GNAQ: variants seen among roughly 807,000 people sequenced by gnomAD.
GNAQ encodes G protein subunit alpha q.
A neutral mutation model predicts 43.9 loss-of-function variants in GNAQ; 8 were observed. The observed-to-expected ratio is 0.18, with a 90% confidence interval of 0.11 to 0.33. GNAQ has a LOEUF of 0.33. Ranked by LOEUF, GNAQ falls within the 10% of genes least tolerant of loss-of-function variation. The pLI is 1.00. For missense variants in GNAQ, 158 were observed against 450.8 expected (o/e 0.35, Z 5.88); for synonymous variants, 155 against 170.7 (o/e 0.91, Z 0.71).
rs36194112 is a variant in GNAQ at position 77,722,653 on chromosome 9, CTTTT to C, written c.890-1144_890-1141del. Among the ~76,000 whole-genome samples the C allele has an allele frequency of 2.1e-3, 240 of 115,756 alleles. 1 individual carries two copies. The highest frequency in any genetic ancestry group is 8.6e-3 in the Middle Eastern group (2 of 232). The allele number at this position is 115,756 out of a possible 152,430, so 75.9% of individuals were successfully genotyped here. ...ATTAAAAACTTTATGTATCTAAGGACTTTTTTTTTTTTTTTTTTTTTGAGACAGG... is the reference window on the plus strand; with the variant it reads ...ATTAAAAACTTTATGTATCTAAGGACTTTTTTTTTTTTTTTTTGAGACAGG... On this transcript the variant is annotated intron_variant, in intron 6 of 6. Transcript: ENST00000286548.
chr9:77,886,464 G>C (rs943687134), intron 2 of GNAQ, among the ~76,000 whole-genome samples: 2 of 150,074 alleles, frequency 1.3e-5, no homozygotes, highest in African/African-American at 2.5e-5. Context: ...GGAGCATTAT[G>C]AATTGCTACA....
chr9:77,873,889 T>C (rs976663323), intron 2 of GNAQ, among the ~76,000 whole-genome samples: 4 of 152,140 alleles, frequency 2.6e-5, no homozygotes, highest in African/African-American at 7.2e-5. Context: ...AGGAATCACC[T>C]GAGGTTGGGA....
intron 5 of GNAQ, among the ~76,000 whole-genome samples, chr9:77,779,531 A>G (rs1826355407): frequency 2.0e-5 from 3 of 151,830 alleles, no homozygotes. Flanking sequence ...AATCCGAAGT[A>G]TGCAGAAGAA....
At chr9:77,790,607 AGAG>A (rs1209332216) in intron 5 of GNAQ, among the ~76,000 whole-genome samples, 1 of 152,246 alleles carries the variant, frequency 6.6e-6, no homozygotes, top group Non-Finnish European at 1.5e-5. Context: ...GCTTAGAGGT[AGAG>A]GAGAGTTATT....
chr9:77,886,594 A>C (rs1341960874), intron 2 of GNAQ, among the ~76,000 whole-genome samples: 4 of 152,182 alleles, frequency 2.6e-5, no homozygotes, highest in Non-Finnish European at 4.4e-5. Flanking sequence ...TAGTAGGACA[A>C]ATTTCTATCA....
At chr9:77,981,604 T>A (rs1023126423) in intron 1 of GNAQ, among the ~76,000 whole-genome samples, 1 of 152,212 alleles carries the variant, frequency 6.6e-6, no homozygotes, top group South Asian at 2.1e-4. Flanking sequence ...CTATTTTGCA[T>A]GCAACCAAAA....
At chr9:78,030,390 T>G in intron 1 of GNAQ, 3 of 399,690 alleles carry the variant, frequency 7.5e-6, no homozygotes, top group South Asian at 1.9e-5. Context: ...TCTTCTAGGC[T>G]CCCTCCTTTC....
At chr9:78,030,318 C>T (rs1047882928) in intron 1 of GNAQ, among the ~76,000 whole-genome samples, 1 of 152,154 alleles carries the variant, frequency 6.6e-6, no homozygotes, top group Admixed American at 6.6e-5. Context: ...CCCCTACCCT[C>T]ATCTTTATCT....
chr9:77,843,515 G>A (rs929032259), intron 2 of GNAQ, among the ~76,000 whole-genome samples: 1 of 152,180 alleles, frequency 6.6e-6, no homozygotes, highest in African/African-American at 2.4e-5. Context: ...CATGCCAGGT[G>A]TCAGTCTTCC....
Position 77,883,229 on chromosome 9 carries a change from C to G in GNAQ, c.321+38932G>C, listed in dbSNP as rs1423739429. On this transcript the variant is annotated intron_variant, in intron 2 of 6. Coordinates refer to ENST00000286548, the MANE Select transcript of GNAQ (RefSeq NM_002072.5). ...AAATAAGTCTTTACCCTGACTCTCTCCAGTGTGTCCCCAGCTAGCCTAGCC... is the reference window on the plus strand; with the variant it reads ...AAATAAGTCTTTACCCTGACTCTCTGCAGTGTGTCCCCAGCTAGCCTAGCC... 3.3e-5 allele frequency among the ~76,000 whole-genome samples: 5 copies of G among 152,284 alleles called. No individual in the cohort carries two copies. The East Asian group carries it at 9.7e-4, about 29-fold the overall frequency.
intron 3 of GNAQ, among the ~76,000 whole-genome samples, chr9:77,804,547 A>G (rs1393806183): frequency 2.6e-5 from 4 of 152,178 alleles, no homozygotes; most frequent in Admixed American, 2.0e-4. Context: ...AGAGGCATAC[A>G]ACCCTCAGTA....
At chr9:77,835,277 A>G (rs902291971) in intron 2 of GNAQ, among the ~76,000 whole-genome samples, 2 of 151,740 alleles carry the variant, frequency 1.3e-5, no homozygotes, top group Non-Finnish European at 2.9e-5. Flanking sequence ...ATAAGGCCCT[A>G]CTAGATAAGG....
chr9:77,720,146 A>T lies in GNAQ; in HGVS notation c.*1177T>A, dbSNP rs1825288247. ...ACTAACAATGTCATCTTAAGGACAA[A>T]GAAAAGAATGGACCGTGAGAATCAA... On this transcript the variant is annotated 3_prime_UTR_variant, in exon 7 of 7. Coordinates refer to ENST00000286548, the MANE Select transcript of GNAQ (RefSeq NM_002072.5). The T allele has an allele frequency of 4.3e-6, 1 of 233,040 alleles. No homozygotes were observed. The highest frequency in any genetic ancestry group is 2.2e-5 in the African/African-American group (1 of 45,332). 14.4% of individuals were successfully genotyped at this position (233,040 alleles called of 1,614,324 possible).
chr9:77,899,122 G>C (rs1171047870), intron 2 of GNAQ, among the ~76,000 whole-genome samples: 1 of 152,026 alleles, frequency 6.6e-6, no homozygotes, highest in Non-Finnish European at 1.5e-5. Flanking sequence ...TTTGAGACAA[G>C]GTCTTGTTCT....
At chr9:77,814,137 T>TA (rs2118506205) in intron 3 of GNAQ, among the ~76,000 whole-genome samples, 1 of 151,376 alleles carries the variant, frequency 6.6e-6, no homozygotes, top group East Asian at 1.9e-4. Flanking sequence ...GGGGCAGGAG[T>TA]AAAAAAGACA....
Position 77,844,570 on chromosome 9 carries a change from A to T in GNAQ, c.322-28800T>A, listed in dbSNP as rs965511006. On this transcript the variant is annotated intron_variant, in intron 2 of 6. Coordinates refer to ENST00000286548, the MANE Select transcript of GNAQ (RefSeq NM_002072.5). ...AAATCACAAACTGTAGGAAGAAATT[A>T]AAAATGGAAGATGTGAATCAGAATT... Among the ~76,000 whole-genome samples the T allele has an allele frequency of 5.3e-5, 8 of 152,348 alleles. 1 individual carries two copies. In the South Asian group the frequency reaches 1.0e-3, roughly 20 times the overall value.
At chr9:77,760,461 G>A (rs1360878799) in intron 5 of GNAQ, among the ~76,000 whole-genome samples, 1 of 152,046 alleles carries the variant, frequency 6.6e-6, no homozygotes, top group African/African-American at 2.4e-5. Flanking sequence ...CGCCAGCCTC[G>A]GCCTCTGGAG....
At chr9:77,961,483 A>G (rs2118421888) in intron 1 of GNAQ, among the ~76,000 whole-genome samples, 1 of 152,082 alleles carries the variant, frequency 6.6e-6, no homozygotes, top group South Asian at 2.1e-4. Context: ...AAGCTCAATA[A>G]TAATGATCTA....
intron 1 of GNAQ, among the ~76,000 whole-genome samples, chr9:78,002,766 CAA>C (rs1425844479): frequency 6.6e-6 from 1 of 152,140 alleles, no homozygotes; most frequent in African/African-American, 2.4e-5. Context: ...GGAAAAAAAT[CAA>C]AGACATCCAA....
Sources: gnomAD v4.1 joint callset for allele counts (sites outside exome capture counted in the v4.1 genomes callset) on GRCh38, gnomAD v4.1.1 for gene constraint, MANE v1.5 for transcripts, NCBI Gene and HGNC (gene_info 2026-07-23, HGNC 2026-07-21) for gene names.